A1CF: variants seen among roughly 807,000 people sequenced by gnomAD.
A1CF encodes the protein APOBEC1 complementation factor.
A1CF carries 48 observed loss-of-function variants against 68.9 expected under a neutral mutation model. The ratio of observed to expected loss-of-function variants is 0.70; its 90% CI spans 0.55 to 0.89. The LOEUF is 0.89. A1CF is among the 40% of genes least tolerant of loss of function. The pLI is 0.00. For synonymous variants in A1CF, 272 were observed against 260.4 expected (o/e 1.04, Z -0.43); for missense variants, 653 against 718.9 (o/e 0.91, Z 1.05).
chr10:50,822,314 C>T (rs1838714046), intron 7 of A1CF, among the ~76,000 whole-genome samples: 1 of 152,140 alleles, frequency 6.6e-6, no homozygotes, highest in Non-Finnish European at 1.5e-5. Flanking sequence ...ATTAGTTTAG[C>T]ATGCCAATTA....
chr10:50,856,343 C>G (rs1276385612), intron 3 of A1CF, among the ~76,000 whole-genome samples: 4 of 152,126 alleles, frequency 2.6e-5, no homozygotes, highest in Non-Finnish European at 5.9e-5. Flanking sequence ...TTCTTTAATT[C>G]ATTCAAAATG....
chr10:50,829,591 C>T (rs925458054), intron 6 of A1CF, among the ~76,000 whole-genome samples: 1 of 152,078 alleles, frequency 6.6e-6, no homozygotes, highest in Admixed American at 6.6e-5. Flanking sequence ...GATAACTGAC[C>T]CTGGAGAAGC....
chr10:50,853,241 C>T (rs1344024427), intron 3 of A1CF, among the ~76,000 whole-genome samples: 1 of 152,146 alleles, frequency 6.6e-6, no homozygotes, highest in Non-Finnish European at 1.5e-5. Context: ...AAGTAAGACA[C>T]ATTAATGTCT....
intron 12 of A1CF, among the ~76,000 whole-genome samples, chr10:50,809,586 G>A (rs1837996717): frequency 6.6e-6 from 1 of 151,992 alleles, no homozygotes; most frequent in African/African-American, 2.4e-5. Context: ...ATATCTATAG[G>A]TAGTTTCAAA....
At position 50,806,740 on chromosome 10, in the gene A1CF, C is replaced by T. The variant is rs770415333; in HGVS notation, c.1750G>A (p.Gly584Ser). Residue 584 changes from glycine to serine, a missense_variant, in exon 13 of 13, where the codon GGC becomes AGC. Physicochemically the swap from Gly to Ser is moderately conservative, Grantham distance 56. Coordinates refer to ENST00000373997, the MANE Select transcript of A1CF (RefSeq NM_014576.4). Reference protein sequence around the residue: ...FAVTARGDGYGTF With the variant: ...FAVTARGDGYSTF The stretch of plus-strand genomic sequence containing the variant: ...TTAAAAAAGCATCTTCAGAAGGTGC[C>T]ATATCCATCCCCTCGGGCAGTCACT... 3.1e-6 allele frequency: 5 copies of T among 1,601,414 alleles called. No individual in the cohort carries two copies. In the East Asian group the frequency reaches 9.0e-5, roughly 29 times the overall value.
At chr10:50,850,864 T>C in intron 3 of A1CF, 1 of 1,529,190 alleles carries the variant, frequency 6.5e-7, no homozygotes, top group Non-Finnish European at 8.8e-7. Context: ...TTTGGAGCTT[T>C]TATCCTTAAA....
intron 6 of A1CF, among the ~76,000 whole-genome samples, chr10:50,829,317 C>G (rs1276339562): frequency 1.3e-5 from 2 of 151,952 alleles, no homozygotes; most frequent in Non-Finnish European, 2.9e-5. Context: ...GAGAGTCAAC[C>G]CAAGTTCTAA....
intron 9 of A1CF, 39 bp from the exon 10 acceptor site, chr10:50,814,077 A>G (rs768723630): frequency 2.0e-5 from 32 of 1,610,298 alleles, no homozygotes; most frequent in Non-Finnish European, 8.5e-7. Flanking sequence ...GAACGTAAGA[A>G]GGCATTAAAC....
chr10:50,827,293 T>G (rs1364172001), intron 7 of A1CF, among the ~76,000 whole-genome samples: 1 of 152,190 alleles, frequency 6.6e-6, no homozygotes, highest in Non-Finnish European at 1.5e-5. Context: ...CTAATAGACA[T>G]CTACAGAATT....
chr10:50,855,604 C>T (rs949552166), intron 3 of A1CF, among the ~76,000 whole-genome samples: 32 of 151,898 alleles, frequency 2.1e-4, no homozygotes, highest in Non-Finnish European at 3.5e-4. Context: ...ATTTCCAAAC[C>T]CTTAGAAGCA....
At position 50,855,053 on chromosome 10, in the gene A1CF, T is replaced by G. The variant is rs144844469; in HGVS notation, c.99+4789A>C. On this transcript the variant is annotated intron_variant, in intron 3 of 12. Coordinates refer to ENST00000373997, the MANE Select transcript of A1CF (RefSeq NM_014576.4). ...AGGTTTAGTTGCAATAGAATTAAAC[T>G]TGATGTCAACAGACACCACGTTGGG... 9.1e-3 allele frequency among the ~76,000 whole-genome samples: 1,387 copies of G among 152,054 alleles called. 29 individuals carry two copies. The highest frequency in any genetic ancestry group is 0.032 in the African/African-American group (1,315 of 41,532).
At chr10:50,869,146 T>TA (rs1391903794) in intron 1 of A1CF, among the ~76,000 whole-genome samples, 1 of 151,916 alleles carries the variant, frequency 6.6e-6, no homozygotes, top group South Asian at 2.1e-4. Context: ...AAAAAAAAGT[T>TA]AAAAAAAATT....
At chr10:50,875,420 G>A (rs928337155) in intron 1 of A1CF, among the ~76,000 whole-genome samples, 1 of 152,180 alleles carries the variant, frequency 6.6e-6, no homozygotes, top group Non-Finnish European at 1.5e-5. Flanking sequence ...TCTATGTACG[G>A]AAAGGAAGCA....
chr10:50,816,385 T>C, intron 8 of A1CF, 106 bp from the exon 9 acceptor site: 1 of 1,255,862 alleles, frequency 8.0e-7, no homozygotes, highest in South Asian at 1.5e-5. Context: ...CTATTTGCTG[T>C]AGGTTTATTG....
At chr10:50,848,546 A>G (rs762488315) in intron 3 of A1CF, among the ~76,000 whole-genome samples, 6 of 152,178 alleles carry the variant, frequency 3.9e-5, no homozygotes, top group Non-Finnish European at 8.8e-5. Flanking sequence ...AACCGGAAGG[A>G]CATTAATTAA....
At chr10:50,812,711 G>A (rs760473195) in intron 10 of A1CF, among the ~76,000 whole-genome samples, 6 of 151,954 alleles carry the variant, frequency 3.9e-5, no homozygotes, top group Non-Finnish European at 8.8e-5. Flanking sequence ...ATATGTTTAC[G>A]TGTCAGTTTT....
Position 50,820,571 on chromosome 10 carries a change from A to T in A1CF, c.848T>A (p.Met283Lys). The T allele has an allele frequency of 6.2e-7, 1 of 1,613,426 alleles. No homozygotes were observed. The highest frequency in any genetic ancestry group is 1.3e-5 in the African/African-American group (1 of 75,004). Reference protein sequence around the residue: ...FSNREDAVEAMKALNGKVLDG... With the variant: ...FSNREDAVEAKKALNGKVLDG... ...CCTTACCTTGCCATTTAAAGCTTTC[A>T]TAGCCTCAACTGCATCTTCTCGGTT... The change falls in exon 8 of 13, where the codon ATG (methionine) becomes AAG (lysine). Residue 283 changes from methionine to lysine, a missense_variant. Physicochemically the swap from Met to Lys is moderately conservative, Grantham distance 95. Transcript: ENST00000373997.
chr10:50,862,920 C>A (rs994910515), intron 2 of A1CF: 1 of 152,092 alleles, frequency 6.6e-6, no homozygotes, highest in Non-Finnish European at 1.5e-5. Context: ...AGTCTTCTGG[C>A]CAAGTTGTAG....
At chr10:50,814,364 C>T (rs888976176) in intron 9 of A1CF, among the ~76,000 whole-genome samples, 1 of 152,050 alleles carries the variant, frequency 6.6e-6, no homozygotes, top group South Asian at 2.1e-4. Context: ...TTTAGGTAAC[C>T]TTGATATTTT....
Sources: allele counts gnomAD v4.1 joint callset (sites outside exome capture counted in the v4.1 genomes callset), GRCh38; gene constraint gnomAD v4.1.1; transcripts MANE v1.5; gene names NCBI Gene and HGNC (gene_info 2026-07-23, HGNC 2026-07-21).